Variants in WNK3 observed in about 807,000 individuals in gnomAD.
WNK3 encodes serine/threonine-protein kinase WNK3.
Under a neutral mutation model 116.7 loss-of-function variants are expected in WNK3, and 18 were observed. The observed-to-expected ratio is 0.15, with a 90% CI of 0.11 to 0.23. The LOEUF (loss-of-function observed/expected upper bound fraction) is 0.23, where lower values mean the gene tolerates loss of function less well. Ranked by LOEUF, WNK3 falls within the 10% of genes least tolerant of loss-of-function variation. The probability of loss-of-function intolerance (pLI) is 1.00; values close to 1 mark genes in which losing one functional copy is unlikely to be tolerated. For synonymous variants in WNK3, 404 were observed against 469.4 expected, an observed-to-expected ratio of 0.86 and a Z score of 1.80; for missense variants, 993 against 1,323.8, an observed-to-expected ratio of 0.75 and a Z score of 3.88.
chrX:54,203,491 C>CA (rs1220250704), intron 22 of WNK3, among the ~76,000 whole-genome samples: 7 of 110,651 alleles, frequency 6.3e-5, no homozygotes, highest in African/African-American at 9.8e-5. Flanking sequence ...TGAAAAAATA[C>CA]AAAAAAAATT....
chrX:54,218,757 G>A (rs782244687), intron 22 of WNK3, among the ~76,000 whole-genome samples: 3 of 109,250 alleles, frequency 2.7e-5, no homozygotes, highest in Non-Finnish European at 5.7e-5. Flanking sequence ...GGTGGTGCGC[G>A]TCTGTAATCC....
chrX:54,298,108 G>T, intron 7 of WNK3, 67 bp downstream of exon 7: 1 of 759,273 alleles, frequency 1.3e-6, no homozygotes, highest in Admixed American at 2.4e-5. Flanking sequence ...AGAAAGCAAT[G>T]AGAAGGAGCA....
rs1375164379 is a variant in WNK3 at position 54,302,761 on chromosome X, T to A, written c.1090-902A>T. On this transcript the variant is annotated intron_variant, in intron 5 of 23. Transcript: ENST00000354646. ...TATATATATATATATATATATATTT[T>A]TTTTTTTTTTTTTATTTTTAAGACA... Among the ~76,000 whole-genome samples the A allele has an allele frequency of 2.8e-3, 133 of 47,741 alleles. 1 individual carries two copies. The highest frequency in any genetic ancestry group is 9.3e-3 in the Middle Eastern group (1 of 107). 41.5% of individuals were successfully genotyped at this position (47,741 alleles called of 115,157 possible). A position where few individuals can be genotyped will look rare whatever the true frequency, so the allele number is the denominator to read the frequency against.
intron 16 of WNK3, 95 bp downstream of exon 16, chrX:54,249,899 C>A: frequency 9.9e-7 from 1 of 1,011,872 alleles, no homozygotes. Context: ...TTCTCATAAG[C>A]ATAAAATTCC....
intron 1 of WNK3, among the ~76,000 whole-genome samples, chrX:54,347,681 C>G (rs1370716664): frequency 2.0e-5 from 2 of 98,184 alleles, no homozygotes; most frequent in African/African-American, 8.4e-5. Context: ...TATATATACA[C>G]ATATATATAT....
intron 17 of WNK3, among the ~76,000 whole-genome samples, chrX:54,240,769 T>G (rs113123888): frequency 0.012 from 1,375 of 111,454 alleles, 21 homozygotes; most frequent in African/African-American, 0.043. Flanking sequence ...CAGATCTATC[T>G]TCTGTCTCTT....
At chrX:54,200,645 T>C (rs1259212222) in intron 23 of WNK3, among the ~76,000 whole-genome samples, 1 of 111,579 alleles carries the variant, frequency 9.0e-6, no homozygotes, top group Non-Finnish European at 1.9e-5. Context: ...AACCCAAGTC[T>C]GTTAAATGAC....
At chrX:54,344,383 T>C (rs1358988982) in intron 1 of WNK3, among the ~76,000 whole-genome samples, 2 of 109,180 alleles carry the variant, frequency 1.8e-5, no homozygotes, top group Non-Finnish European at 3.8e-5. Flanking sequence ...GAGCTTGCAG[T>C]GAGCCCAGAT....
intron 10 of WNK3, among the ~76,000 whole-genome samples, chrX:54,286,961 G>A (rs1244339051): frequency 2.8e-5 from 3 of 108,954 alleles, no homozygotes; most frequent in Non-Finnish European, 5.7e-5. Context: ...AAATCTCACT[G>A]AAGCCATCAT....
At chrX:54,334,823 G>A (rs2069213779) in intron 1 of WNK3, among the ~76,000 whole-genome samples, 1 of 112,004 alleles carries the variant, frequency 8.9e-6, no homozygotes, top group South Asian at 3.7e-4. Context: ...CTACTTATAG[G>A]AACTTGCCTT....
At chrX:54,210,550 C>T (rs1249943009) in intron 22 of WNK3, among the ~76,000 whole-genome samples, 6 of 111,458 alleles carry the variant, frequency 5.4e-5, no homozygotes, top group Non-Finnish European at 1.1e-4. Flanking sequence ...TTGCTTGAGC[C>T]CAAGAGTTTG....
chrX:54,338,700 T>C (rs2069277060), intron 1 of WNK3, among the ~76,000 whole-genome samples: 1 of 110,121 alleles, frequency 9.1e-6, no homozygotes, highest in Non-Finnish European at 1.9e-5. Context: ...TCCCAAAGTA[T>C]AGGATAAGAA....
intron 22 of WNK3, among the ~76,000 whole-genome samples, chrX:54,226,475 A>G (rs1557147849): frequency 1.0e-5 from 1 of 99,297 alleles, no homozygotes; most frequent in South Asian, 4.6e-4. Flanking sequence ...GTCTCAAAAA[A>G]AAAAAAAAAA....
chrX:54,237,569 A>G lies in WNK3; in HGVS notation c.4015-18T>C, dbSNP rs782163106. 1 of 1,146,045 alleles carries G rather than the reference A, an allele frequency of 8.7e-7. No individual in the cohort carries two copies. Among genetic ancestry groups the G allele is most frequent in the African/African-American group, 1.8e-5 (1 of 54,832 alleles). The allele number at this position is 1,146,045 out of a possible 1,213,427, so 94.4% of individuals were successfully genotyped here. ...GTAATCACCTGAGATATAAAAACGTAAAAGTGGTTAGCATAGCACAGACAA... is the reference window on the plus strand; with the variant it reads ...GTAATCACCTGAGATATAAAAACGTGAAAGTGGTTAGCATAGCACAGACAA... On this transcript the variant is annotated intron_variant, in intron 19 of 23. Coordinates refer to ENST00000354646, the Ensembl canonical transcript of WNK3.
intron 5 of WNK3, among the ~76,000 whole-genome samples, chrX:54,305,777 C>T (rs1223362841): frequency 9.1e-6 from 1 of 110,373 alleles, no homozygotes; most frequent in Non-Finnish European, 1.9e-5. Flanking sequence ...ATGTGGTGGC[C>T]GGGCGCAGTG....
intron 22 of WNK3, among the ~76,000 whole-genome samples, chrX:54,208,492 A>G (rs2067579014): frequency 9.0e-6 from 1 of 111,002 alleles, no homozygotes. Context: ...CTCCCACCTC[A>G]GCCTTCTGAG....
At chrX:54,298,200 G>C in exon 7 of WNK3, 2 of 1,201,637 alleles carry the variant, frequency 1.7e-6, no homozygotes, top group Non-Finnish European at 2.3e-6. Context: ...TTCCTCAGGT[G>C]TATCTGTTTC....
chrX:54,299,449 GTTTT>G (rs11383477), intron 6 of WNK3, among the ~76,000 whole-genome samples: 2 of 83,702 alleles, frequency 2.4e-5, no homozygotes, highest in Admixed American at 1.3e-4. Context: ...GTGTTTTGGT[GTTTT>G]TTTTTTTTTT....
chrX:54,272,200 A>G (rs2068391276), intron 10 of WNK3, among the ~76,000 whole-genome samples: 1 of 112,336 alleles, frequency 8.9e-6, no homozygotes, highest in Non-Finnish European at 1.9e-5. Flanking sequence ...TTTCCATGTA[A>G]TGGAATTAAC....
Sources: gnomAD v4.1 joint callset for allele counts (sites outside exome capture counted in the v4.1 genomes callset) on GRCh38, gnomAD v4.1.1 for gene constraint, MANE v1.5 for transcripts, NCBI Gene and HGNC (gene_info 2026-07-23, HGNC 2026-07-21) for gene names.